SPMIP7: variants seen among roughly 807,000 people sequenced by gnomAD.
SPMIP7 encodes protein SPMIP7.
chr7:50,117,519 T>G, the SPMIP7 span: 1,443 of 243,368 alleles, frequency 5.9e-3, 13 homozygotes, highest in Non-Finnish European at 8.9e-3. Flanking sequence ...AATTTCTATC[T>G]GAAATGTTGC....
the SPMIP7 span, among the ~76,000 whole-genome samples, chr7:50,145,587 C>CGTGTGTGT: frequency 3.5e-5 from 1 of 28,418 alleles, no homozygotes; most frequent in Non-Finnish European, 1.0e-4. Context: ...TATATATGTG[C>CGTGTGTGT]GTGTGTGTGT....
the SPMIP7 span, among the ~76,000 whole-genome samples, chr7:50,145,815 C>T: frequency 1.3e-5 from 2 of 151,064 alleles, no homozygotes; most frequent in Admixed American, 1.3e-4. Context: ...CCAGCACTTG[C>T]AGTCACCATT....
At chr7:50,119,313 G>A in the SPMIP7 span, among the ~76,000 whole-genome samples, 1 of 152,202 alleles carries the variant, frequency 6.6e-6, no homozygotes, top group African/African-American at 2.4e-5. Flanking sequence ...TTCCCCAGAA[G>A]CAGATGCCAT....
chr7:50,141,794 A>C, the SPMIP7 span: 2 of 133,224 alleles, frequency 1.5e-5, no homozygotes, highest in Non-Finnish European at 2.9e-5. Flanking sequence ...CGGTGGTGCA[A>C]TCTCGGCTCA....
chr7:50,101,288 C>T, the SPMIP7 span, among the ~76,000 whole-genome samples: 1 of 152,230 alleles, frequency 6.6e-6, no homozygotes, highest in African/African-American at 2.4e-5. Flanking sequence ...AGTCACTATC[C>T]TGTGAAAGAC....
At chr7:50,096,684 AAG>A in the SPMIP7 span, 1 of 1,409,874 alleles carries the variant, frequency 7.1e-7, no homozygotes, top group East Asian at 2.5e-5. Context: ...TGCTCAAGGG[AAG>A]AGAGTATGGA....
At chr7:50,147,191 A>G in the SPMIP7 span, among the ~76,000 whole-genome samples, 1 of 152,272 alleles carries the variant, frequency 6.6e-6, no homozygotes, top group East Asian at 1.9e-4. Flanking sequence ...TAGCTGATAT[A>G]GAATGGCTCT....
the SPMIP7 span, among the ~76,000 whole-genome samples, chr7:50,117,631 G>T: frequency 2.0e-5 from 3 of 152,148 alleles, no homozygotes; most frequent in African/African-American, 7.2e-5. Context: ...GTTCATATGT[G>T]AGATAATCCC....
the SPMIP7 span, chr7:50,141,543 C>G: frequency 1.7e-6 from 1 of 588,306 alleles, no homozygotes; most frequent in South Asian, 2.1e-5. Context: ...TGGTTTGTCA[C>G]AAAGGAGATT....
chr7:50,138,987 A>AC, the SPMIP7 span, among the ~76,000 whole-genome samples: 1 of 152,178 alleles, frequency 6.6e-6, no homozygotes, highest in Non-Finnish European at 1.5e-5. Context: ...TGTGTAAAAT[A>AC]CCCCACTATA....
At chr7:50,151,438 T>C in the SPMIP7 span, 1 of 1,536,390 alleles carries the variant, frequency 6.5e-7, no homozygotes, top group Non-Finnish European at 8.8e-7. Context: ...CTCTCTTAAC[T>C]CTTCACTTTA....
At chr7:50,105,975 T>C in the SPMIP7 span, among the ~76,000 whole-genome samples, 1 of 152,180 alleles carries the variant, frequency 6.6e-6, no homozygotes, top group Non-Finnish European at 1.5e-5. Context: ...CTTTAACTAT[T>C]TTAAAACTAG....
At chr7:50,105,232 G>A in the SPMIP7 span, among the ~76,000 whole-genome samples, 1 of 152,090 alleles carries the variant, frequency 6.6e-6, no homozygotes, top group Non-Finnish European at 1.5e-5. Flanking sequence ...TGTCATGCAT[G>A]ATAAAATTCA....
At chr7:50,134,377 A>AAT in the SPMIP7 span, 5 of 489,938 alleles carry the variant, frequency 1.0e-5, no homozygotes, top group South Asian at 6.7e-5. Context: ...AAGATAAGTA[A>AAT]ATATATATAC....
At chr7:50,121,827 T>G in the SPMIP7 span, among the ~76,000 whole-genome samples, 1 of 111,416 alleles carries the variant, frequency 9.0e-6, no homozygotes, top group African/African-American at 3.6e-5. Flanking sequence ...CTAATTTTTG[T>G]TTTTTTTCTT....
At chr7:50,104,349 C>T in the SPMIP7 span, 5 of 1,541,266 alleles carry the variant, frequency 3.2e-6, no homozygotes, top group Non-Finnish European at 4.4e-6. Flanking sequence ...TCCCTTACAA[C>T]CTCATCATGA....
the SPMIP7 span, among the ~76,000 whole-genome samples, chr7:50,123,775 A>G: frequency 2.0e-5 from 3 of 149,984 alleles, no homozygotes; most frequent in Non-Finnish European, 4.5e-5. Context: ...AAGCAAAAAG[A>G]CAAATTTAAA....
the SPMIP7 span, chr7:50,151,676 A>C: frequency 1.4e-6 from 1 of 709,412 alleles, no homozygotes; most frequent in Non-Finnish European, 2.2e-6. Flanking sequence ...GTTTTTAAAA[A>C]TGTGGCATCA....
the SPMIP7 span, among the ~76,000 whole-genome samples, chr7:50,114,825 T>C: frequency 3.0e-4 from 46 of 151,262 alleles, no homozygotes; most frequent in Non-Finnish European, 6.0e-4. Flanking sequence ...AGGTCAGGAG[T>C]TCAAGACCAA....
Sources: gnomAD v4.1 joint callset for allele counts (sites outside exome capture counted in the v4.1 genomes callset) on GRCh38, gnomAD v4.1.1 for gene constraint, MANE v1.5 for transcripts, NCBI Gene and HGNC (gene_info 2026-07-23, HGNC 2026-07-21) for gene names.